The following EPN2 variants were observed in gnomAD, a reference collection of about 807,000 sequenced individuals.
EPN2 encodes the protein epsin-2.
Under a neutral mutation model 61.7 loss-of-function variants are expected in EPN2, and 34 were observed. That is an observed-to-expected ratio of 0.55 (90% confidence interval 0.42 to 0.73). EPN2 has a LOEUF of 0.73. Ranked by LOEUF, EPN2 falls within the 30% of genes least tolerant of loss-of-function variation. The pLI is 0.00. For synonymous variants in EPN2, 349 were observed against 353.6 expected, an observed-to-expected ratio of 0.99 and a Z score of 0.15; for missense variants, 714 against 839.2, an observed-to-expected ratio of 0.85 and a Z score of 1.84.
intron 1 of EPN2, among the ~76,000 whole-genome samples, chr17:19,271,906 C>T (rs1279083531): frequency 6.6e-6 from 1 of 152,276 alleles, no homozygotes; most frequent in Admixed American, 6.5e-5. Context: ...AGGGGATCCA[C>T]TGCCCCTCCT....
intron 9 of EPN2, 83 bp downstream of exon 9, chr17:19,329,730 A>G (rs1187588815): frequency 2.4e-6 from 2 of 830,274 alleles, no homozygotes; most frequent in East Asian, 2.5e-5. Flanking sequence ...TCAGCTTTCA[A>G]AACCCTTCAG....
rs1597979559 is a variant in EPN2, at chr17:19,263,987, G to A, written c.-293-17968G>A. Among the ~76,000 whole-genome samples the A allele has an allele frequency of 2.0e-5, 3 of 152,158 alleles. No individual in the cohort carries two copies. In the East Asian group the frequency reaches 5.8e-4, roughly 29 times the overall value. On this transcript the variant is annotated intron_variant, in intron 1 of 10. Transcript: ENST00000314728. Reference sequence around the variant, plus strand: ...GTAAACAGTTCTTCCTTGGCCTCTCGGCACAAGTTTCTAAAGTAGAGCGAT... The same window carrying A: ...GTAAACAGTTCTTCCTTGGCCTCTCAGCACAAGTTTCTAAAGTAGAGCGAT...
chr17:19,283,545 TGA>T lies in EPN2; in HGVS notation c.430_431del (p.Arg144GlyfsTer57). 1 of 1,614,184 alleles carries T rather than the reference TGA, an allele frequency of 6.2e-7. No individual in the cohort carries two copies. Among genetic ancestry groups the T allele is most frequent in the South Asian group, 1.1e-5 (1 of 91,080 alleles). On this transcript the variant is annotated frameshift_variant, in exon 3 of 11. Coordinates refer to ENST00000314728, the MANE Select transcript of EPN2 (RefSeq NM_014964.5). LOFTEE classifies it high-confidence loss of function. This position sits in a 1 kb window ranked among gnomAD's most constrained non-coding sequence, Gnocchi z 7.0. ...TCAAGGACGAGGAACGGTTGAAGGCTGAGAGGGCCCAGGCTCTCAAAACCAAA... is the reference window on the plus strand; with the variant it reads ...TCAAGGACGAGGAACGGTTGAAGGCTGAGGGCCCAGGCTCTCAAAACCAAA... ...LLKDEERLKA[E>X]RAQALKTKER...
Position 19,335,530 on chromosome 17 carries a change from TG to T in EPN2, c.*1278del. On this transcript the variant is annotated 3_prime_UTR_variant, in exon 11 of 11. Coordinates refer to ENST00000314728, the MANE Select transcript of EPN2 (RefSeq NM_014964.5). ...GCTCAGGCTAAAGATGGGGATAATG[TG>T]GAAATGGCAGTTGTCCCGAGGGCGT... 1 of 1,502,766 alleles carries T rather than the reference TG, an allele frequency of 6.7e-7. No individual in the cohort carries two copies. Among genetic ancestry groups the T allele is most frequent in the South Asian group, 1.2e-5 (1 of 80,304 alleles). 93.1% of individuals were successfully genotyped at this position (1,502,766 alleles called of 1,614,324 possible). A position where few individuals can be genotyped will look rare whatever the true frequency, so the allele number is the denominator to read the frequency against.
chr17:19,305,523 A>G (rs947540804), intron 4 of EPN2, among the ~76,000 whole-genome samples: 3 of 152,356 alleles, frequency 2.0e-5, no homozygotes, highest in East Asian at 3.9e-4. Context: ...TGACTGGCAG[A>G]TGCTGCTTCC....
chr17:19,291,022 C>T (rs1005602215), intron 4 of EPN2, among the ~76,000 whole-genome samples: 2 of 152,212 alleles, frequency 1.3e-5, no homozygotes, highest in African/African-American at 4.8e-5. Flanking sequence ...TCCTCTCACA[C>T]CCCACCCGGC....
chr17:19,266,668 C>T (rs1186729132), intron 1 of EPN2, among the ~76,000 whole-genome samples: 2 of 151,708 alleles, frequency 1.3e-5, no homozygotes, highest in African/African-American at 4.8e-5. Context: ...TCCCAAAGTG[C>T]TGGGATTACA....
At chr17:19,246,305 T>C (rs1479962535) in intron 1 of EPN2, among the ~76,000 whole-genome samples, 1 of 152,132 alleles carries the variant, frequency 6.6e-6, no homozygotes, top group African/African-American at 2.4e-5. Context: ...CGCAGTGAGC[T>C]GAGATCATGC....
At chr17:19,253,790 G>A (rs1280354666) in intron 1 of EPN2, among the ~76,000 whole-genome samples, 1 of 152,170 alleles carries the variant, frequency 6.6e-6, no homozygotes, top group Non-Finnish European at 1.5e-5. Flanking sequence ...ACATGTGAGA[G>A]GGCAAGACAG....
chr17:19,241,345 G>A (rs1207273298), intron 1 of EPN2, among the ~76,000 whole-genome samples: 1 of 152,148 alleles, frequency 6.6e-6, no homozygotes, highest in Non-Finnish European at 1.5e-5. Flanking sequence ...AGCACTTTGG[G>A]AGGCCAAAGC....
intron 1 of EPN2, among the ~76,000 whole-genome samples, chr17:19,258,572 G>A (rs1181918953): frequency 6.6e-6 from 1 of 152,172 alleles, no homozygotes; most frequent in East Asian, 1.9e-4. Flanking sequence ...CTTTTCAGGA[G>A]TTTTCAGAAG....
intron 4 of EPN2, among the ~76,000 whole-genome samples, chr17:19,288,663 C>T (rs978320200): frequency 1.1e-4 from 16 of 152,070 alleles, no homozygotes; most frequent in African/African-American, 3.9e-4. Flanking sequence ...TGGAGCGTGG[C>T]AGAGGTGGGC....
At chr17:19,324,500 A>G (rs1906778979) in intron 7 of EPN2, among the ~76,000 whole-genome samples, 1 of 152,054 alleles carries the variant, frequency 6.6e-6, no homozygotes, top group Non-Finnish European at 1.5e-5. Context: ...CGCCCAGCTA[A>G]TTTTGTATTT....
chr17:19,328,405 C>A (rs967774041), intron 7 of EPN2, among the ~76,000 whole-genome samples: 9 of 152,114 alleles, frequency 5.9e-5, no homozygotes, highest in Non-Finnish European at 1.2e-4. Context: ...GAGCCCTTTG[C>A]AAGCCCCCTG....
chr17:19,282,828 C>A, intron 2 of EPN2, 122 bp from the exon 3 acceptor site: 1 of 327,038 alleles, frequency 3.1e-6, no homozygotes, highest in Non-Finnish European at 5.6e-6. Flanking sequence ...TGGGTTCGTC[C>A]TAAGGAGGCT....
chr17:19,334,981 C>G lies in EPN2; in HGVS notation c.*727C>G, dbSNP rs930772053. 6.4e-6 allele frequency: 1 copy of G among 156,056 alleles called. No homozygotes were observed. Among genetic ancestry groups the G allele is most frequent in the Non-Finnish European group, 1.4e-5 (1 of 70,548 alleles). 9.7% of individuals were successfully genotyped at this position (156,056 alleles called of 1,614,324 possible). On this transcript the variant is annotated 3_prime_UTR_variant, in exon 11 of 11. Transcript: ENST00000314728. This position sits in a 1 kb window ranked among gnomAD's most constrained non-coding sequence, Gnocchi z 4.9. ...CTAGTTTTGATAGAATTTACCAGGT[C>G]TGGCTGAATGAAGATGTTGGCACGT...
rs184266158 is a variant in EPN2 at position 19,283,515 on chromosome 17, T to C, written c.396T>C (p.Ala132=). 3 of 1,613,930 alleles carry C rather than the reference T, an allele frequency of 1.9e-6. No homozygotes were observed. The highest frequency in any genetic ancestry group is 2.5e-6 in the Non-Finnish European group (3 of 1,180,012). ...NVREKSKQLV[A]LLKDEERLKA... is the part of the protein sequence containing the mutation. ...GTGAGAAGTCAAAGCAACTGGTGGCTCTCCTCAAGGACGAGGAACGGTTGA... is the reference window on the plus strand; with the variant it reads ...GTGAGAAGTCAAAGCAACTGGTGGCCCTCCTCAAGGACGAGGAACGGTTGA... The change falls in exon 3 of 11, where the codon GCT becomes GCC. Residue 132 remains alanine, a synonymous_variant. Transcript: ENST00000314728. The surrounding 1 kb of genome is among the most constrained non-coding windows in gnomAD (Gnocchi z 7.0).
rs751606349 is a variant in EPN2, at chr17:19,309,896, C to T, written c.778C>T (p.Arg260Ter). The change falls in exon 5 of 11, where the codon CGA becomes TGA. Residue 260 changes from arginine (R) to a stop codon, truncating the protein, a stop_gained. Transcript: ENST00000314728. LOFTEE classifies it high-confidence loss of function. ...GTCTTCCCCAACAGCCACCTCCCCG[C>T]GAGTGTCCTCCGAGCTGGAGCAAGC... ...CDRAARATSP[R>*]VSSELEQARP... is the part of the protein sequence containing the mutation. 8 of 1,607,348 alleles carry T rather than the reference C, an allele frequency of 5.0e-6. No homozygotes were observed. The highest frequency in any genetic ancestry group is 1.3e-5 in the African/African-American group (1 of 75,028).
At chr17:19,239,818 AACTTTCAAGTGAT>A (rs1176339260) in intron 1 of EPN2, among the ~76,000 whole-genome samples, 1 of 152,200 alleles carries the variant, frequency 6.6e-6, no homozygotes. Context: ...AGAAATGTAA[AACTTTCAAGTGAT>A]AATATCTAGC....
Sources: gnomAD v4.1 joint callset for allele counts (sites outside exome capture counted in the v4.1 genomes callset) on GRCh38, gnomAD v4.1.1 for gene constraint, Gnocchi (gnomAD v3.1) non-coding constraint, MANE v1.5 for transcripts, NCBI Gene and HGNC (gene_info 2026-07-23, HGNC 2026-07-21) for gene names.